Variants in FADS6 observed in about 807,000 individuals in gnomAD.
The protein encoded by FADS6 is fatty acid desaturase 6, also known as fatty acid desaturase domain family, member 6.
FADS6 carries 28 observed loss-of-function variants against 31.7 expected under a neutral mutation model. That is an observed-to-expected ratio of 0.88 (90% CI 0.66 to 1.21). FADS6 has a LOEUF of 1.21. Ranked by LOEUF, FADS6 falls within the 50% of genes most tolerant of loss-of-function variation. The probability of loss-of-function intolerance (pLI) is 0.00; values close to 1 mark genes in which losing one functional copy is unlikely to be tolerated. For missense variants in FADS6, 494 were observed against 504.2 expected (o/e 0.98, Z 0.19); for synonymous variants, 191 against 213.1 (o/e 0.90, Z 0.90).
At chr17:74,876,939 C>T (rs1281467559), downstream of FADS6, among the ~76,000 whole-genome samples, 1 of 152,150 alleles carries the variant, frequency 6.6e-6, no homozygotes, top group Non-Finnish European at 1.5e-5. Context: ...GGGGCAGCTC[C>T]CAGCCCTCTC....
chr17:74,874,996 C>T (rs1486131735), downstream of FADS6, among the ~76,000 whole-genome samples: 3 of 152,198 alleles, frequency 2.0e-5, no homozygotes, highest in African/African-American at 7.2e-5. Context: ...GGGACCCAGT[C>T]TCAGCTCTTA....
chr17:74,882,958 G>C (rs1235053725), intron 2 of FADS6: 1 of 1,025,260 alleles, frequency 9.8e-7, no homozygotes, highest in South Asian at 1.7e-5. Context: ...GGGGTGGGAG[G>C]CTGGACCCCT....
In FADS6 at chr17:74,878,258, C is replaced by T. The variant is rs942818587; in HGVS notation, c.*73G>A. 5 of 1,520,176 alleles carry T rather than the reference C, an allele frequency of 3.3e-6. No homozygotes were observed. The highest frequency in any genetic ancestry group is 4.1e-5 in the Admixed American group (2 of 48,466). 94.2% of individuals were successfully genotyped at this position (1,520,176 alleles called of 1,614,324 possible). A position where few individuals can be genotyped will look rare whatever the true frequency, so the allele number is the denominator to read the frequency against. ...CACCACCAGCCACTGAGCCACACCC[C>T]CTGGACCAGCAGCAGCAGGAGGGCC... On this transcript the variant is annotated 3_prime_UTR_variant, in exon 6 of 6. Coordinates refer to ENST00000612771, the MANE Select transcript of FADS6 (RefSeq NM_178128.6).
chr17:74,889,345 A>G (rs1335984170), intron 2 of FADS6, among the ~76,000 whole-genome samples: 1 of 152,106 alleles, frequency 6.6e-6, no homozygotes, highest in East Asian at 1.9e-4. Context: ...GATATCCCAC[A>G]AGGAAGGATC....
chr17:74,881,964 GCTC>G (rs2038574886), intron 3 of FADS6, among the ~76,000 whole-genome samples: 1 of 151,182 alleles, frequency 6.6e-6, no homozygotes, highest in South Asian at 2.1e-4. Flanking sequence ...TGAGACAGAG[GCTC>G]CTCTGTAGCC....
In FADS6 at chr17:74,878,461, G is replaced by A. The variant is rs774343342; in HGVS notation, c.977C>T (p.Ser326Phe). ...NMCLKVKPVV[S>F]QFLREKQLPY... Reference sequence around the variant, plus strand: ...TAGCTGCTTCTCACGTAGGAACTGGGACACCACGGGCTTCACCTGGTGGAA... The same window carrying A: ...TAGCTGCTTCTCACGTAGGAACTGGAACACCACGGGCTTCACCTGGTGGAA... The change falls in exon 6 of 6, where the codon TCC (serine) becomes TTC (phenylalanine). Residue 326 changes from serine to phenylalanine, a missense_variant. Transcript: ENST00000612771. The A allele has an allele frequency of 6.2e-7, 1 of 1,613,978 alleles. No homozygotes were observed. The highest frequency in any genetic ancestry group is 8.5e-7 in the Non-Finnish European group (1 of 1,179,856).
In FADS6 at chr17:74,882,045, C is replaced by T. The variant is rs142627059; in HGVS notation, c.592+485G>A. On this transcript the variant is annotated intron_variant, in intron 3 of 5. Transcript: ENST00000612771. The stretch of plus-strand genomic sequence containing the variant: ...CCGCCTCCTGGGTTCAAGTGATTCT[C>T]CTGCCTCAGCCTGCCAGGTAGCTGG... Among the ~76,000 whole-genome samples the T allele has an allele frequency of 5.5e-3, 834 of 152,034 alleles. 7 individuals carry two copies. Among genetic ancestry groups the T allele is most frequent in the Non-Finnish European group, 9.3e-3 (634 of 67,980 alleles).
chr17:74,876,927 CT>C (rs2038512103), downstream of FADS6, among the ~76,000 whole-genome samples: 2 of 152,194 alleles, frequency 1.3e-5, no homozygotes, highest in African/African-American at 4.8e-5. Context: ...CAGCCCCCAG[CT>C]GGGGCAGCTC....
Position 74,881,121 on chromosome 17 carries a change from A to G in FADS6, c.727T>C (p.Phe243Leu), listed in dbSNP as rs778317364. ...TGGGCCAACAGGGATCTGGTGAGGA[A>G]CATGCAGCCCAGGGCTGAGCTGGGG... ...KNPSSALGCMFLTRSLLAHPY... is the reference protein window; with the variant it reads ...KNPSSALGCMLLTRSLLAHPY... The change falls in exon 4 of 6, where the codon TTC becomes CTC. Residue 243 changes from phenylalanine (F) to leucine (L), a missense_variant. By Grantham distance (22) the Phe-to-Leu change is conservative. Around this residue, in one of 2 missense-constraint regions of FADS6, gnomAD observed 454 missense variants for 438.5 expected, o/e 1.04. Coordinates refer to ENST00000612771, the MANE Select transcript of FADS6 (RefSeq NM_178128.6). The G allele has an allele frequency of 1.9e-6, 3 of 1,613,774 alleles. No homozygotes were observed. In the South Asian group the frequency reaches 3.3e-5, roughly 18 times the overall value.
chr17:74,893,478 C>A lies in FADS6; in HGVS notation c.118G>T (p.Gly40Trp). The A allele has an allele frequency of 1.9e-6, 3 of 1,585,422 alleles. No individual in the cohort carries two copies. Among genetic ancestry groups the A allele is most frequent in the South Asian group, 1.1e-5 (1 of 87,924 alleles). ...AGCTCCCGCAGCAGCGCCTCGCCCC[C>A]ACGGTGCGCGCTCCGCGCCGGTTCC... ...PMEPARSAHR[G>W]GEALLRELEV... Residue 40 changes from glycine (G) to tryptophan (W), a missense_variant, in exon 1 of 6, where the codon GGG becomes TGG. By Grantham distance (184) the Gly-to-Trp change is radical. Transcript: ENST00000612771.
intron 2 of FADS6, among the ~76,000 whole-genome samples, chr17:74,890,010 T>C (rs1039766843): frequency 6.6e-6 from 1 of 152,106 alleles, no homozygotes; most frequent in Non-Finnish European, 1.5e-5. Flanking sequence ...CATTAAGGTC[T>C]GCACTGTTTC....
At chr17:74,891,296 C>A (rs1396252348) in intron 2 of FADS6, among the ~76,000 whole-genome samples, 1 of 152,004 alleles carries the variant, frequency 6.6e-6, no homozygotes, top group African/African-American at 2.4e-5. Flanking sequence ...CCTCGGCCTC[C>A]CAAAGTGCTG....
intron 1 of FADS6, among the ~76,000 whole-genome samples, 184 bp downstream of exon 1, chr17:74,893,168 G>A (rs1467053647): frequency 6.8e-6 from 1 of 147,980 alleles, no homozygotes; most frequent in Non-Finnish European, 1.5e-5. Flanking sequence ...AGACTCTCAG[G>A]TTCGGGGTGT....
chr17:74,893,522 A>G lies in FADS6; in HGVS notation c.74T>C (p.Met25Thr), dbSNP rs1567931187. 2.6e-6 allele frequency: 4 copies of G among 1,558,562 alleles called. No individual in the cohort carries two copies. In the South Asian group the frequency reaches 3.5e-5, roughly 14 times the overall value. Residue 25 changes from methionine to threonine, a missense_variant, in exon 1 of 6, where the codon ATG becomes ACG. Around this residue, in one of 2 missense-constraint regions of FADS6, gnomAD observed 40 missense variants for 65.7 expected, o/e 0.61. Transcript: ENST00000612771. ...CGGTTCCATGGGCTCCGTAGGTTCCATGGGCTCCGTAGGTTCCATGGGCTC... is the reference window on the plus strand; with the variant it reads ...CGGTTCCATGGGCTCCGTAGGTTCCGTGGGCTCCGTAGGTTCCATGGGCTC... Reference protein sequence around the residue: ...PTEPMEPTEPMEPTEPMEPAR... With the variant: ...PTEPMEPTEPTEPTEPMEPAR...
At chr17:74,891,937 G>A (rs969276128) in intron 2 of FADS6, among the ~76,000 whole-genome samples, 6 of 152,190 alleles carry the variant, frequency 3.9e-5, no homozygotes, top group Non-Finnish European at 7.3e-5. Flanking sequence ...AGAGGAACTG[G>A]GGAGGCCTGG....
chr17:74,893,610 C>CTGT lies in FADS6; in HGVS notation c.-16_-15insACA. 7.5e-7 allele frequency: 1 copy of CTGT among 1,332,720 alleles called. No individual in the cohort carries two copies. Among genetic ancestry groups the CTGT allele is most frequent in the Non-Finnish European group, 9.7e-7 (1 of 1,033,064 alleles). 82.6% of individuals were successfully genotyped at this position (1,332,720 alleles called of 1,614,324 possible). A position where few individuals can be genotyped will look rare whatever the true frequency, so the allele number is the denominator to read the frequency against. ...GTGGGTTCCATGGACTCTGTGGGCT[C>CTGT]GGGCCCGACGCGCACGGAGGACTGG... is the stretch of plus-strand genomic sequence containing the variant. On this transcript the variant is annotated 5_prime_UTR_variant, in exon 1 of 6. Transcript: ENST00000612771.
chr17:74,888,148 A>G (rs142939929), intron 2 of FADS6, among the ~76,000 whole-genome samples: 69,764 of 121,158 alleles, frequency 0.58, 19,367 homozygotes, highest in Admixed American at 0.64. Flanking sequence ...ACACACACAC[A>G]CACACACGCG....
chr17:74,884,067 T>G (rs1235169318), intron 2 of FADS6, among the ~76,000 whole-genome samples: 1 of 152,108 alleles, frequency 6.6e-6, no homozygotes, highest in African/African-American at 2.4e-5. Context: ...CAGGGCCTTG[T>G]CCCTGGGAAA....
intron 2 of FADS6, among the ~76,000 whole-genome samples, chr17:74,890,782 C>T (rs2038681043): frequency 1.3e-5 from 2 of 152,062 alleles, no homozygotes; most frequent in South Asian, 4.1e-4. Flanking sequence ...TGGAGCGCTC[C>T]AGTAGAGAAG....
Sources: gnomAD v4.1 joint callset for allele counts (sites outside exome capture counted in the v4.1 genomes callset) on GRCh38, gnomAD v4.1.1 for gene constraint, gnomAD v4.1.1 regional missense constraint, MANE v1.5 for transcripts, NCBI Gene and HGNC (gene_info 2026-07-23, HGNC 2026-07-21) for gene names.